ANKFN1: variants seen among roughly 807,000 people sequenced by gnomAD.
The protein encoded by ANKFN1 is ankyrin repeat and fibronectin type-III domain-containing protein 1.
In ANKFN1, 74 loss-of-function variants were observed where a neutral mutation model predicts 108.7. The observed-to-expected ratio is 0.68, with a 90% CI of 0.56 to 0.83. The LOEUF is 0.83. ANKFN1 is among the 40% of genes least tolerant of loss of function. The pLI is 0.00. For missense variants in ANKFN1, 1,505 were observed against 1,382.3 expected, an observed-to-expected ratio of 1.09 and a Z score of -1.41; for synonymous variants, 547 against 516.2, an observed-to-expected ratio of 1.06 and a Z score of -0.81.
At chr17:56,489,939 C>T (rs1027501566) in intron 18 of ANKFN1, among the ~76,000 whole-genome samples, 1 of 152,014 alleles carries the variant, frequency 6.6e-6, no homozygotes, top group Admixed American at 6.6e-5. Flanking sequence ...ATATTATAGA[C>T]CTGAAACACC....
chr17:56,199,982 A>G (rs986638632), intron 1 of ANKFN1, among the ~76,000 whole-genome samples: 3 of 152,212 alleles, frequency 2.0e-5, no homozygotes, highest in Admixed American at 6.5e-5. Flanking sequence ...TTCTGCTATA[A>G]TGATATGTTC....
Position 56,185,700 on chromosome 17 carries a change from A to G in ANKFN1, c.-70-26898A>G, listed in dbSNP as rs190318107. On this transcript the variant is annotated intron_variant, in intron 1 of 20. Coordinates refer to ENST00000682825, the MANE Select transcript of ANKFN1 (RefSeq NM_001370326.1). The stretch of plus-strand genomic sequence containing the variant: ...TTGTGGGAAAGAGAATGGTGAAATC[A>G]TTCTCTGTCTGGCACAAGTTGCAGA... 4.7e-4 allele frequency among the ~76,000 whole-genome samples: 72 copies of G among 152,326 alleles called. No homozygotes were observed. The East Asian group carries it at 0.013, about 28-fold the overall frequency.
At chr17:56,431,773 G>A (rs780417501) in intron 8 of ANKFN1, among the ~76,000 whole-genome samples, 1 of 152,186 alleles carries the variant, frequency 6.6e-6, no homozygotes, top group Non-Finnish European at 1.5e-5. Flanking sequence ...TTTTGCTTTT[G>A]CCCCCGTGGC....
chr17:56,229,598 C>T (rs1193040616), intron 3 of ANKFN1, among the ~76,000 whole-genome samples: 1 of 141,338 alleles, frequency 7.1e-6, no homozygotes, highest in Non-Finnish European at 1.5e-5. Flanking sequence ...TAAACACCCA[C>T]GTGTTACCGC....
intron 8 of ANKFN1, among the ~76,000 whole-genome samples, chr17:56,414,363 T>C (rs2048179356): frequency 6.6e-6 from 1 of 152,074 alleles, no homozygotes; most frequent in Non-Finnish European, 1.5e-5. Context: ...GGAGGATGGG[T>C]GGAAGAGGAG....
chr17:56,070,208 G>A (rs1567781173), intron 4 of ANKFN1, among the ~76,000 whole-genome samples: 1 of 152,136 alleles, frequency 6.6e-6, no homozygotes, highest in Non-Finnish European at 1.5e-5. Flanking sequence ...TACTCAACAT[G>A]GAGTTGCTCT....
intron 2 of ANKFN1, among the ~76,000 whole-genome samples, chr17:56,214,618 G>A (rs775932324): frequency 2.0e-5 from 3 of 152,132 alleles, no homozygotes; most frequent in Non-Finnish European, 2.9e-5. Flanking sequence ...TTCAACTGCA[G>A]GTCCCACTAA....
At chr17:56,467,743 CAAAG>C (rs759980897) in intron 15 of ANKFN1, among the ~76,000 whole-genome samples, 1,987 of 72,536 alleles carry the variant, frequency 0.027, 41 homozygotes, top group Middle Eastern at 0.049. Context: ...AAGAAAGAAA[CAAAG>C]AAAGAAAGAA....
At chr17:56,506,325 T>C (rs998294304) in intron 20 of ANKFN1, among the ~76,000 whole-genome samples, 3 of 151,308 alleles carry the variant, frequency 2.0e-5, no homozygotes, top group Admixed American at 6.6e-5. Flanking sequence ...GATGAGATCA[T>C]CCTGGATTAT....
At chr17:56,286,075 TTGGTTAACTATTTTC>T (rs1316675777) in intron 3 of ANKFN1, among the ~76,000 whole-genome samples, 1 of 152,152 alleles carries the variant, frequency 6.6e-6, no homozygotes, top group Non-Finnish European at 1.5e-5. Flanking sequence ...CTCTGCCTGC[TTGGTTAACTATTTTC>T]TGGTGGTCTG....
chr17:56,452,973 T>C (rs946952507), intron 11 of ANKFN1, among the ~76,000 whole-genome samples: 1 of 152,214 alleles, frequency 6.6e-6, no homozygotes, highest in Non-Finnish European at 1.5e-5. Context: ...ACCTCATTCA[T>C]TCATTGTTTA....
At chr17:56,275,711 G>C (rs779441885) in intron 3 of ANKFN1, among the ~76,000 whole-genome samples, 5 of 152,092 alleles carry the variant, frequency 3.3e-5, no homozygotes, top group Non-Finnish European at 7.4e-5. Flanking sequence ...GAAAACATTG[G>C]GGAGCACAGA....
chr17:56,066,144 G>T (rs1042800058), intron 4 of ANKFN1, among the ~76,000 whole-genome samples: 13 of 152,146 alleles, frequency 8.5e-5, no homozygotes, highest in African/African-American at 2.9e-4. Flanking sequence ...TTCTGTGATG[G>T]CTTTTAGATC....
intron 15 of ANKFN1, chr17:56,472,441 G>C (rs2050352869): frequency 6.6e-6 from 1 of 152,136 alleles, no homozygotes; most frequent in Non-Finnish European, 1.5e-5. Context: ...CAGGATCTCT[G>C]ATCAATGACG....
chr17:56,360,309 A>T (rs75135218), intron 6 of ANKFN1, among the ~76,000 whole-genome samples: 2,453 of 152,262 alleles, frequency 0.016, 45 homozygotes, highest in East Asian at 0.087. Context: ...GGAATGCTCG[A>T]GTGCTTTTAA....
intron 3 of ANKFN1, chr17:56,254,175 C>G (rs1567865616): frequency 6.6e-6 from 1 of 152,210 alleles, no homozygotes; most frequent in Non-Finnish European, 1.5e-5. Flanking sequence ...AATCCTTCAG[C>G]ACACTGGATT....
chr17:56,267,837 G>C (rs1377378538), intron 3 of ANKFN1, among the ~76,000 whole-genome samples: 1 of 151,940 alleles, frequency 6.6e-6, no homozygotes, highest in African/African-American at 2.4e-5. Flanking sequence ...TGATGCCTCT[G>C]GCTTTGTTTT....
intron 16 of ANKFN1, 71 bp from the exon 17 acceptor site, chr17:56,480,596 AC>A: frequency 6.6e-7 from 1 of 1,510,280 alleles, no homozygotes. Flanking sequence ...CTGGACACAT[AC>A]ACTAAGAAAG....
At chr17:56,141,924 T>TG (rs1491312320) in intron 4 of ANKFN1, among the ~76,000 whole-genome samples, 7 of 103,612 alleles carry the variant, frequency 6.8e-5, no homozygotes, top group African/African-American at 4.1e-4. Flanking sequence ...GATGGTGTAC[T>TG]TTTTTTTTTT....
Sources: gnomAD v4.1 joint callset for allele counts (sites outside exome capture counted in the v4.1 genomes callset) on GRCh38, gnomAD v4.1.1 for gene constraint, MANE v1.5 for transcripts, NCBI Gene and HGNC (gene_info 2026-07-23, HGNC 2026-07-21) for gene names.